The following CADM2 variants were observed in gnomAD, a reference collection of about 807,000 sequenced individuals.
CADM2 encodes cell adhesion molecule 2, also known as immunoglobulin superfamily member 4D.
CADM2 carries 12 observed loss-of-function variants against 49.8 expected under a neutral mutation model. That is an observed-to-expected ratio of 0.24 (90% CI 0.15 to 0.39). CADM2 has a LOEUF of 0.39. CADM2 is among the 10% of genes least tolerant of loss of function. The pLI is 1.00. For synonymous variants in CADM2, 214 were observed against 175.4 expected, an observed-to-expected ratio of 1.22 and a Z score of -1.74; for missense variants, 378 against 492.3, an observed-to-expected ratio of 0.77 and a Z score of 2.20.
At chr3:85,133,650 C>CA (rs961289514) in intron 1 of CADM2, among the ~76,000 whole-genome samples, 2 of 152,206 alleles carry the variant, frequency 1.3e-5, no homozygotes, top group African/African-American at 4.8e-5. Flanking sequence ...GGTGCATTCA[C>CA]AAACCCTGAG....
intron 1 of CADM2, among the ~76,000 whole-genome samples, chr3:85,445,797 A>G (rs2037421456): frequency 6.6e-6 from 1 of 152,274 alleles, no homozygotes; most frequent in African/African-American, 2.4e-5. Context: ...CCTTTTTAGA[A>G]AAGGTAACTA....
chr3:85,359,666 A>ATTTTTTTTTTTTTTT (rs869151718), intron 1 of CADM2, among the ~76,000 whole-genome samples: 1 of 26,556 alleles, frequency 3.8e-5, no homozygotes, highest in Non-Finnish European at 8.1e-5. Context: ...ATATATATAT[A>ATTTTTTTTTTTTTTT]TTTTTTTTTT....
intron 1 of CADM2, among the ~76,000 whole-genome samples, chr3:85,109,313 T>C (rs868101793): frequency 4.6e-5 from 7 of 151,426 alleles, no homozygotes; most frequent in Admixed American, 1.3e-4. Context: ...CAAGTGAAAA[T>C]AGATGATAAA....
chr3:85,742,958 T>A (rs2068456507), intron 2 of CADM2, among the ~76,000 whole-genome samples: 1 of 152,194 alleles, frequency 6.6e-6, no homozygotes, highest in Non-Finnish European at 1.5e-5. Flanking sequence ...GATTTAGTTC[T>A]TTCTACTAGG....
intron 3 of CADM2, among the ~76,000 whole-genome samples, chr3:85,809,964 G>A (rs1021263023): frequency 5.9e-5 from 9 of 151,784 alleles, no homozygotes; most frequent in South Asian, 4.2e-4. Flanking sequence ...ATATTGAATC[G>A]TGTTCCCCTT....
chr3:85,282,914 C>A (rs2043540434), intron 1 of CADM2, among the ~76,000 whole-genome samples: 2 of 152,024 alleles, frequency 1.3e-5, no homozygotes, highest in South Asian at 4.2e-4. Flanking sequence ...GTTTCCAGCA[C>A]AGAGAAATGA....
rs745873421 is a variant in CADM2 at position 85,961,588 on chromosome 3, G to A, written c.911G>A (p.Arg304Gln). ...FLNKTDNGTY[R>Q]CEATNTIGQS... ...AACAAAACGGATAATGGTACATATC[G>A]ATGTGAAGCCACAAACACCATTGGC... Residue 304 changes from arginine (R) to glutamine (Q), a missense_variant, in exon 8 of 10, where the codon CGA (arginine) becomes CAA (glutamine). Physicochemically the swap from Arg to Gln is conservative, Grantham distance 43. Transcript: ENST00000383699. 8 of 1,606,998 alleles carry A rather than the reference G, an allele frequency of 5.0e-6. No homozygotes were observed. Among genetic ancestry groups the A allele is most frequent in the South Asian group, 3.3e-5 (3 of 90,336 alleles).
chr3:85,934,646 CTA>C (rs1163324762), intron 6 of CADM2, among the ~76,000 whole-genome samples: 1 of 151,970 alleles, frequency 6.6e-6, no homozygotes, highest in Non-Finnish European at 1.5e-5. Flanking sequence ...ATGATATAAA[CTA>C]TTACATTTTA....
At chr3:85,220,602 A>C (rs189802557) in intron 1 of CADM2, among the ~76,000 whole-genome samples, 1 of 152,250 alleles carries the variant, frequency 6.6e-6, no homozygotes, top group Admixed American at 6.5e-5. Flanking sequence ...CAGGAGTAAT[A>C]GTCATATTAA....
intron 1 of CADM2, among the ~76,000 whole-genome samples, chr3:85,198,344 G>T (rs2041398704): frequency 6.6e-6 from 1 of 151,064 alleles, no homozygotes; most frequent in Non-Finnish European, 1.5e-5. Flanking sequence ...CAGCTGCAGG[G>T]GAGATGTGTT....
intron 8 of CADM2, among the ~76,000 whole-genome samples, chr3:86,021,994 C>CA: frequency 6.6e-6 from 1 of 151,904 alleles, no homozygotes; most frequent in African/African-American, 2.4e-5. Flanking sequence ...GCCACACACT[C>CA]AAAAAAAGGT....
At chr3:85,969,590 A>G (rs1421276720) in intron 8 of CADM2, among the ~76,000 whole-genome samples, 1 of 151,068 alleles carries the variant, frequency 6.6e-6, no homozygotes, top group Non-Finnish European at 1.5e-5. Flanking sequence ...TAGTTTAGCT[A>G]TTTGTGTGTA....
chr3:85,158,552 A>C (rs1055987304), intron 1 of CADM2, among the ~76,000 whole-genome samples: 1 of 152,212 alleles, frequency 6.6e-6, no homozygotes, highest in Non-Finnish European at 1.5e-5. Context: ...GACATGGATG[A>C]AATTGGAAAT....
intron 1 of CADM2, among the ~76,000 whole-genome samples, chr3:85,004,374 CA>C (rs1345234443): frequency 6.6e-6 from 1 of 152,114 alleles, no homozygotes; most frequent in African/African-American, 2.4e-5. Flanking sequence ...TCAATATTCA[CA>C]AAGTACTTTT....
chr3:85,483,903 C>T lies in CADM2; in HGVS notation c.62-242619C>T, dbSNP rs184817984. Reference sequence around the variant, plus strand: ...CTGGCAATTTTTGTCTCAAAAAACTCGAAGGCCTGTAATTTTCTAAGAATT... The same window carrying T: ...CTGGCAATTTTTGTCTCAAAAAACTTGAAGGCCTGTAATTTTCTAAGAATT... On this transcript the variant is annotated intron_variant, in intron 1 of 9. Coordinates refer to ENST00000383699, the MANE Select transcript of CADM2 (RefSeq NM_001167675.2). Among the ~76,000 whole-genome samples, 30 of 151,626 alleles carry T rather than the reference C, an allele frequency of 2.0e-4. No individual in the cohort carries two copies. In the South Asian group the frequency reaches 3.1e-3, roughly 16 times the overall value.
chr3:86,048,171 G>T (rs569755941), intron 8 of CADM2, among the ~76,000 whole-genome samples: 1 of 151,362 alleles, frequency 6.6e-6, no homozygotes, highest in African/African-American at 2.4e-5. Flanking sequence ...ATTCAAAAAC[G>T]TGCATTATGA....
intron 1 of CADM2, among the ~76,000 whole-genome samples, chr3:85,082,553 C>T (rs2037205659): frequency 6.6e-6 from 1 of 152,076 alleles, no homozygotes; most frequent in Non-Finnish European, 1.5e-5. Context: ...CAGTTAATGG[C>T]ACAAATCGCT....
chr3:85,754,418 C>T (rs1340653197), intron 2 of CADM2, among the ~76,000 whole-genome samples: 1 of 152,156 alleles, frequency 6.6e-6, no homozygotes, highest in Non-Finnish European at 1.5e-5. Flanking sequence ...TACTCTAACA[C>T]TCTAACACTA....
chr3:85,133,264 C>T (rs2039292987), intron 1 of CADM2, among the ~76,000 whole-genome samples: 2 of 152,164 alleles, frequency 1.3e-5, no homozygotes, highest in Admixed American at 6.6e-5. Context: ...ACCACTCGCT[C>T]GGGCAGCGTG....
Sources: gnomAD v4.1 joint callset for allele counts (sites outside exome capture counted in the v4.1 genomes callset) on GRCh38, gnomAD v4.1.1 for gene constraint, MANE v1.5 for transcripts, NCBI Gene and HGNC (gene_info 2026-07-23, HGNC 2026-07-21) for gene names.